Variants in LDLRAD4 observed in about 807,000 individuals in gnomAD.
LDLRAD4 encodes low-density lipoprotein receptor class A domain-containing protein 4.
A neutral mutation model predicts 17.0 loss-of-function variants in LDLRAD4; 5 were observed. That is an observed-to-expected ratio of 0.29 (90% CI 0.15 to 0.62). LDLRAD4 has a LOEUF of 0.62. Among genes scored for constraint, LDLRAD4 ranks in the 20% least tolerant of loss-of-function variants. LDLRAD4 has a pLI of 0.84. For missense variants in LDLRAD4, 340 were observed against 424.7 expected, an observed-to-expected ratio of 0.80 and a Z score of 1.75; for synonymous variants, 168 against 171.8, an observed-to-expected ratio of 0.98 and a Z score of 0.17.
intron 3 of LDLRAD4, among the ~76,000 whole-genome samples, chr18:13,513,679 G>A (rs1203197766): frequency 1.3e-5 from 2 of 152,110 alleles, no homozygotes; most frequent in African/African-American, 4.8e-5. Flanking sequence ...AAATCACCAG[G>A]GCCCCAAGCC....
chr18:13,533,587 T>C (rs2094160099), intron 3 of LDLRAD4, among the ~76,000 whole-genome samples: 1 of 152,216 alleles, frequency 6.6e-6, no homozygotes, highest in Admixed American at 6.5e-5. Flanking sequence ...TTACAAACGG[T>C]ACTCCAGTTG....
chr18:13,565,400 C>T (rs779210834), intron 3 of LDLRAD4, among the ~76,000 whole-genome samples: 53 of 152,314 alleles, frequency 3.5e-4, no homozygotes, highest in Non-Finnish European at 1.6e-4. Flanking sequence ...AGGGCCCGGC[C>T]GTGCTGGCCT....
intron 3 of LDLRAD4, among the ~76,000 whole-genome samples, chr18:13,507,110 A>G (rs1031947247): frequency 2.0e-5 from 3 of 152,040 alleles, no homozygotes; most frequent in Admixed American, 2.0e-4. Context: ...ACTTCTTATT[A>G]TATGTTATGG....
At chr18:13,617,567 T>G (rs2040208429) in intron 3 of LDLRAD4, among the ~76,000 whole-genome samples, 1 of 152,174 alleles carries the variant, frequency 6.6e-6, no homozygotes, top group African/African-American at 2.4e-5. Context: ...GAGAAACTCA[T>G]GGTGAAGTTT....
intron 1 of LDLRAD4, among the ~76,000 whole-genome samples, chr18:13,302,733 A>G (rs1359617537): frequency 6.6e-6 from 1 of 152,242 alleles, no homozygotes; most frequent in East Asian, 1.9e-4. Flanking sequence ...TGTTACACGC[A>G]GTTATGGTAC....
At chr18:13,347,306 T>G (rs1013498112) in intron 1 of LDLRAD4, among the ~76,000 whole-genome samples, 12 of 152,284 alleles carry the variant, frequency 7.9e-5, no homozygotes, top group Admixed American at 2.0e-4. Flanking sequence ...GTCTGTAAAG[T>G]ATTTTATTTC....
chr18:13,277,071 A>G (rs1279014136), upstream of LDLRAD4, among the ~76,000 whole-genome samples: 1 of 152,138 alleles, frequency 6.6e-6, no homozygotes, highest in Admixed American at 6.5e-5. Context: ...CCCAACACTG[A>G]TGGGAAGGAG....
chr18:13,279,342 G>A (rs1540080), intron 1 of LDLRAD4: 34,777 of 152,162 alleles, frequency 0.23, 4,351 homozygotes, highest in East Asian at 0.3. Flanking sequence ...TTCTTCCATC[G>A]TTTGGCACAC....
intron 1 of LDLRAD4, among the ~76,000 whole-genome samples, chr18:13,293,020 TC>T (rs958674764): frequency 1.6e-4 from 24 of 152,200 alleles, no homozygotes; most frequent in African/African-American, 5.3e-4. Context: ...GAGCACCACG[TC>T]CCAGGAATGC....
intron 3 of LDLRAD4, among the ~76,000 whole-genome samples, chr18:13,600,383 CAT>C (rs1464973309): frequency 2.6e-5 from 4 of 152,130 alleles, no homozygotes; most frequent in African/African-American, 9.7e-5. Flanking sequence ...TGAAATGAGA[CAT>C]GTGAGGACTG....
intron 1 of LDLRAD4, among the ~76,000 whole-genome samples, chr18:13,372,555 T>C (rs2084594454): frequency 6.6e-6 from 1 of 152,148 alleles, no homozygotes; most frequent in Non-Finnish European, 1.5e-5. Context: ...TGTACAGAGC[T>C]GGGATGGGCG....
At chr18:13,618,267 C>T (rs950439829) in intron 3 of LDLRAD4, among the ~76,000 whole-genome samples, 8 of 152,254 alleles carry the variant, frequency 5.3e-5, no homozygotes, top group African/African-American at 1.9e-4. Flanking sequence ...GTAGCAAACA[C>T]ACACACATGC....
chr18:13,430,782 A>T (rs1053950970), intron 2 of LDLRAD4, among the ~76,000 whole-genome samples: 1 of 152,234 alleles, frequency 6.6e-6, no homozygotes, highest in African/African-American at 2.4e-5. Context: ...TAAAAGCCAC[A>T]GGTTGTCCAG....
intron 3 of LDLRAD4, among the ~76,000 whole-genome samples, chr18:13,543,790 A>G (rs1422838721): frequency 6.6e-6 from 1 of 152,152 alleles, no homozygotes; most frequent in East Asian, 1.9e-4. Context: ...GCCCTTGGGA[A>G]AGTCAGTGAA....
At chr18:13,559,179 C>T (rs1288155746) in intron 3 of LDLRAD4, among the ~76,000 whole-genome samples, 5 of 152,164 alleles carry the variant, frequency 3.3e-5, no homozygotes, top group Non-Finnish European at 7.4e-5. Flanking sequence ...TTCATTTTTC[C>T]TCAATAAATA....
At chr18:13,418,663 T>G (rs1388075791) in intron 2 of LDLRAD4, among the ~76,000 whole-genome samples, 1 of 152,254 alleles carries the variant, frequency 6.6e-6, no homozygotes, top group Non-Finnish European at 1.5e-5. Flanking sequence ...AGTTCAAAGT[T>G]TTGAACAACA....
intron 1 of LDLRAD4, among the ~76,000 whole-genome samples, chr18:13,261,496 G>A (rs144143308): frequency 6.6e-6 from 1 of 152,332 alleles, no homozygotes; most frequent in African/African-American, 2.4e-5. Flanking sequence ...CAAGTTGTGA[G>A]CTGAGAATCC....
intron 3 of LDLRAD4, among the ~76,000 whole-genome samples, chr18:13,540,523 G>A (rs186257365): frequency 6.6e-6 from 1 of 152,262 alleles, no homozygotes; most frequent in Admixed American, 6.5e-5. Context: ...TTCAATCCTG[G>A]TGGAGAGCTG....
chr18:13,383,970 G>A (rs2085590658), intron 1 of LDLRAD4, among the ~76,000 whole-genome samples: 1 of 152,202 alleles, frequency 6.6e-6, no homozygotes, highest in Admixed American at 6.5e-5. Context: ...GACTCAGAGT[G>A]TATATAGGAA....
Sources: gnomAD v4.1 joint callset for allele counts (sites outside exome capture counted in the v4.1 genomes callset) on GRCh38, gnomAD v4.1.1 for gene constraint, MANE v1.5 for transcripts, NCBI Gene and HGNC (gene_info 2026-07-23, HGNC 2026-07-21) for gene names.